ATP9B: variants seen among roughly 807,000 people sequenced by gnomAD.
ATP9B encodes ATPase phospholipid transporting 9B.
In ATP9B, 110 loss-of-function variants were observed where a neutral mutation model predicts 146.1. That is an observed-to-expected ratio of 0.75 (90% CI 0.65 to 0.88). The LOEUF (loss-of-function observed/expected upper bound fraction) is 0.88. ATP9B is among the 40% of genes least tolerant of loss of function. The pLI, the probability that ATP9B is intolerant of heterozygous loss-of-function variation, is 0.00. For missense variants in ATP9B, 1,499 were observed against 1,496.4 expected, an observed-to-expected ratio of 1.00 and a Z score of -0.03; for synonymous variants, 604 against 569.7, an observed-to-expected ratio of 1.06 and a Z score of -0.86.
At chr18:79,305,273 A>G (rs1442825671) in intron 14 of ATP9B, among the ~76,000 whole-genome samples, 2 of 152,228 alleles carry the variant, frequency 1.3e-5, no homozygotes, top group Non-Finnish European at 1.5e-5. Flanking sequence ...AGTGGTCAGC[A>G]TTGTATTCAG....
intron 15 of ATP9B, among the ~76,000 whole-genome samples, chr18:79,320,239 A>C (rs925629257): frequency 6.6e-6 from 1 of 152,142 alleles, no homozygotes; most frequent in Non-Finnish European, 1.5e-5. Flanking sequence ...TGGGGAACTG[A>C]GGTTCTGGGA....
intron 26 of ATP9B, chr18:79,359,736 A>G (rs3744831): frequency 0.5 from 187,710 of 377,942 alleles, 47,207 homozygotes; most frequent in East Asian, 0.7. Context: ...TGTAAAAGAT[A>G]TTCTAACCAT....
chr18:79,266,670 A>G (rs2096207221), intron 12 of ATP9B, among the ~76,000 whole-genome samples: 1 of 152,072 alleles, frequency 6.6e-6, no homozygotes, highest in Non-Finnish European at 1.5e-5. Flanking sequence ...GTATTTTAGG[A>G]AATATTTTTC....
At chr18:79,242,699 C>T (rs1293456004) in intron 11 of ATP9B, among the ~76,000 whole-genome samples, 2 of 152,238 alleles carry the variant, frequency 1.3e-5, no homozygotes, top group Admixed American at 6.5e-5. Flanking sequence ...CAGACCTTTT[C>T]ACTTTATCTG....
intron 4 of ATP9B, among the ~76,000 whole-genome samples, chr18:79,114,463 A>T (rs1381751908): frequency 2.0e-5 from 3 of 152,134 alleles, no homozygotes; most frequent in Non-Finnish European, 4.4e-5. Context: ...CCGTCTCCCT[A>T]ACCAGAGAAC....
chr18:79,124,230 G>A (rs929840599), intron 4 of ATP9B, among the ~76,000 whole-genome samples: 10 of 152,146 alleles, frequency 6.6e-5, no homozygotes, highest in African/African-American at 2.2e-4. Flanking sequence ...CTTCATTTTG[G>A]GATGATGGAA....
chr18:79,337,864 C>T (rs1205913598), intron 19 of ATP9B, among the ~76,000 whole-genome samples: 2 of 152,222 alleles, frequency 1.3e-5, no homozygotes, highest in African/African-American at 4.8e-5. Flanking sequence ...GCACTCGTGC[C>T]CTTGCCCCCA....
chr18:79,180,790 T>C (rs1031251846), intron 8 of ATP9B, among the ~76,000 whole-genome samples: 1 of 115,878 alleles, frequency 8.6e-6, no homozygotes, highest in African/African-American at 4.5e-5. Context: ...TTTGCCTTTT[T>C]CTTTTCTCAT....
Position 79,206,962 on chromosome 18 carries a change from A to G in ATP9B, c.980A>G (p.Glu327Gly), listed in dbSNP as rs1044555728. 4 of 1,614,020 alleles carry G rather than the reference A, an allele frequency of 2.5e-6. No individual in the cohort carries two copies. The African/African-American group carries it at 5.3e-5, about 22-fold the overall frequency. Residue 327 changes from glutamate (E) to glycine (G), a missense_variant, in exon 10 of 30, where the codon GAA (glutamate) becomes GGA (glycine). Physicochemically the swap from Glu to Gly is moderately conservative, Grantham distance 98. Transcript: ENST00000426216. ...GAAGACAGTGACCCGCCCATTCATG[A>G]AAGTCTCAGCATAGAAAATACATTG... Reference protein sequence around the residue: ...TREDSDPPIHESLSIENTLWA... With the variant: ...TREDSDPPIHGSLSIENTLWA...
At chr18:79,294,467 G>A (rs2096533216) in intron 13 of ATP9B, among the ~76,000 whole-genome samples, 1 of 152,242 alleles carries the variant, frequency 6.6e-6, no homozygotes, top group Non-Finnish European at 1.5e-5. Flanking sequence ...AGGGCCCACA[G>A]GCACAGGAGA....
rs973132168 is a variant in ATP9B at position 79,193,446 on chromosome 18, T to G, written c.954+183T>G. On this transcript the variant is annotated intron_variant, in intron 9 of 29. Transcript: ENST00000426216. ...TATTAAATATGTCTTTGGGATACAT[T>G]TAGTACAGTTTTTGGAATTTTTTTT... Among the ~76,000 whole-genome samples, 4 of 152,218 alleles carry G rather than the reference T, an allele frequency of 2.6e-5. 1 individual carries two copies. Among genetic ancestry groups the G allele is most frequent in the African/African-American group, 9.6e-5 (4 of 41,458 alleles).
At chr18:79,343,805 G>C (rs978230269) in intron 20 of ATP9B, 1 of 231,458 alleles carries the variant, frequency 4.3e-6, no homozygotes, top group African/African-American at 2.4e-5. Context: ...CAGCAGCGCT[G>C]CTCCCCACGC....
chr18:79,078,846 G>T (rs879812020), intron 1 of ATP9B, among the ~76,000 whole-genome samples: 5 of 152,086 alleles, frequency 3.3e-5, no homozygotes, highest in Admixed American at 6.5e-5. Context: ...GGTGTGTGTT[G>T]TTCCCCTCCC....
At chr18:79,078,303 TTAC>T (rs1568369691) in intron 1 of ATP9B, 2 of 152,340 alleles carry the variant, frequency 1.3e-5, no homozygotes, top group East Asian at 3.9e-4. Context: ...TCTGTGTCTA[TTAC>T]TTTTCTGGTT....
intron 22 of ATP9B, 24 bp downstream of exon 22, chr18:79,345,596 C>G (rs567604691): frequency 6.2e-7 from 1 of 1,602,416 alleles, no homozygotes; most frequent in Admixed American, 1.7e-5. Context: ...ACCCTGCTCA[C>G]AGGGAGGTCT....
intron 15 of ATP9B, among the ~76,000 whole-genome samples, chr18:79,307,600 G>A (rs999684658): frequency 2.0e-5 from 3 of 152,188 alleles, no homozygotes; most frequent in Non-Finnish European, 2.9e-5. Flanking sequence ...TATGGATTCC[G>A]TGTCCAAATT....
intron 8 of ATP9B, among the ~76,000 whole-genome samples, chr18:79,187,374 AGGGGAG>A (rs2095317481): frequency 6.6e-6 from 1 of 152,192 alleles, no homozygotes; most frequent in Non-Finnish European, 1.5e-5. Context: ...ACTGTCCCAC[AGGGGAG>A]GTTCGGAAGG....
chr18:79,290,445 C>T (rs538925689), intron 13 of ATP9B, among the ~76,000 whole-genome samples: 21 of 152,238 alleles, frequency 1.4e-4, no homozygotes, highest in South Asian at 6.2e-4. Flanking sequence ...TCTCATGGTG[C>T]GCCCTTTTTT....
chr18:79,081,055 A>G (rs957575283), intron 1 of ATP9B, among the ~76,000 whole-genome samples: 1 of 152,182 alleles, frequency 6.6e-6, no homozygotes, highest in Admixed American at 6.5e-5. Flanking sequence ...ATTGATGTTC[A>G]TCAGGGATAT....
Sources: allele counts gnomAD v4.1 joint callset (sites outside exome capture counted in the v4.1 genomes callset), GRCh38; gene constraint gnomAD v4.1.1; transcripts MANE v1.5; gene names NCBI Gene and HGNC (gene_info 2026-07-23, HGNC 2026-07-21).